LINGO2: variants seen among roughly 807,000 people sequenced by gnomAD.
LINGO2 encodes leucine-rich repeat and immunoglobulin-like domain-containing nogo receptor-interacting protein 2.
Under a neutral mutation model 30.6 loss-of-function variants are expected in LINGO2, and 14 were observed. The observed-to-expected ratio is 0.46, with a 90% CI of 0.30 to 0.72. The LOEUF is 0.72. LINGO2 is among the 30% of genes least tolerant of loss of function. The probability of loss-of-function intolerance (pLI) is 0.07; values close to 1 mark genes in which losing one functional copy is unlikely to be tolerated. For synonymous variants in LINGO2, 317 were observed against 288.5 expected (o/e 1.10, Z -1.00); for missense variants, 729 against 751.7 (o/e 0.97, Z 0.35).
At chr9:27,973,879 A>C (rs1337917113) in intron 5 of LINGO2, among the ~76,000 whole-genome samples, 1 of 152,198 alleles carries the variant, frequency 6.6e-6, no homozygotes, top group Non-Finnish European at 1.5e-5. Context: ...TCTGTGTGTG[A>C]CCAATGACAT....
intron 4 of LINGO2, among the ~76,000 whole-genome samples, chr9:28,123,407 C>A (rs1827153206): frequency 6.6e-6 from 1 of 152,156 alleles, no homozygotes; most frequent in Non-Finnish European, 1.5e-5. Context: ...TCAGCAGTGT[C>A]TTCCTGTTTC....
the LINGO2 span, among the ~76,000 whole-genome samples, chr9:28,710,441 T>TA: frequency 6.6e-6 from 1 of 152,218 alleles, no homozygotes; most frequent in African/African-American, 2.4e-5. Context: ...GGACTCTGAA[T>TA]AAAAAATGTC....
intron 5 of LINGO2, among the ~76,000 whole-genome samples, chr9:27,974,502 G>A (rs1255699614): frequency 4.6e-5 from 7 of 152,098 alleles, no homozygotes; most frequent in Non-Finnish European, 1.0e-4. Flanking sequence ...GTACTCCTTG[G>A]ATAATGGGGA....
intron 1 of LINGO2, among the ~76,000 whole-genome samples, chr9:28,651,070 A>G (rs1828080808): frequency 1.3e-5 from 2 of 151,978 alleles, no homozygotes; most frequent in South Asian, 4.2e-4. Flanking sequence ...GGGCACCTGT[A>G]ATCCCAGCTT....
At chr9:28,169,437 CA>C (rs1828520778) in intron 4 of LINGO2, among the ~76,000 whole-genome samples, 1 of 152,118 alleles carries the variant, frequency 6.6e-6, no homozygotes, top group East Asian at 1.9e-4. Context: ...CAATACTTTA[CA>C]AAAGCAAAAC....
intron 3 of LINGO2, among the ~76,000 whole-genome samples, chr9:28,355,579 T>G (rs1820168674): frequency 6.6e-6 from 1 of 151,954 alleles, no homozygotes; most frequent in South Asian, 2.1e-4. Flanking sequence ...TGAAGGTGGG[T>G]CTGCAAATAA....
chr9:28,317,149 C>A (rs543317526), intron 3 of LINGO2, among the ~76,000 whole-genome samples: 1 of 152,232 alleles, frequency 6.6e-6, no homozygotes, highest in South Asian at 2.1e-4. Flanking sequence ...ACTTTGAGGT[C>A]TGAAGATTCG....
chr9:28,031,782 A>T (rs1823686856), intron 4 of LINGO2, among the ~76,000 whole-genome samples: 1 of 152,236 alleles, frequency 6.6e-6, no homozygotes, highest in Non-Finnish European at 1.5e-5. Context: ...CAAGCTGTCC[A>T]GAACACACAC....
At chr9:28,744,741 A>T in the LINGO2 span, among the ~76,000 whole-genome samples, 3 of 150,450 alleles carry the variant, frequency 2.0e-5, no homozygotes, top group Non-Finnish European at 3.0e-5. Context: ...GATTCAAGAG[A>T]TTCTCCTGCC....
intron 2 of LINGO2, among the ~76,000 whole-genome samples, chr9:28,416,776 G>A (rs112446381): frequency 3.0e-4 from 45 of 152,196 alleles, no homozygotes; most frequent in African/African-American, 9.4e-4. Context: ...ATAAGAAGAC[G>A]CTTTTATTAG....
chr9:28,106,155 C>G (rs987711361), intron 4 of LINGO2, among the ~76,000 whole-genome samples: 46 of 152,040 alleles, frequency 3.0e-4, no homozygotes, highest in African/African-American at 1.1e-3. Flanking sequence ...TCTGAAAACA[C>G]CCCCTTACCC....
chr9:29,098,720 T>C, the LINGO2 span, among the ~76,000 whole-genome samples: 7,156 of 152,242 alleles, frequency 0.047, 216 homozygotes, highest in Admixed American at 0.081. Context: ...TTGTACTTTA[T>C]ATTTGGGGAA....
intron 1 of LINGO2, among the ~76,000 whole-genome samples, chr9:28,576,696 C>T (rs545342986): frequency 8.7e-4 from 132 of 152,174 alleles, no homozygotes; most frequent in African/African-American, 3.0e-3. Flanking sequence ...AAGAATACTT[C>T]ATAGTAGATA....
chr9:28,700,839 C>G, the LINGO2 span, among the ~76,000 whole-genome samples: 1 of 152,034 alleles, frequency 6.6e-6, no homozygotes, highest in South Asian at 2.1e-4. Flanking sequence ...TGGATTTTGG[C>G]CATTCTAATA....
At chr9:28,065,654 C>T (rs1299711338) in intron 4 of LINGO2, among the ~76,000 whole-genome samples, 6 of 152,108 alleles carry the variant, frequency 3.9e-5, no homozygotes, top group Admixed American at 3.9e-4. Context: ...CATGAAGCCT[C>T]AGATTTTGAG....
chr9:28,860,446 G>A, the LINGO2 span, among the ~76,000 whole-genome samples: 1 of 151,960 alleles, frequency 6.6e-6, no homozygotes, highest in Non-Finnish European at 1.5e-5. Context: ...GATTGCACTT[G>A]GACTTGAACT....
At chr9:28,654,342 A>C (rs928689068) in intron 1 of LINGO2, among the ~76,000 whole-genome samples, 8 of 152,142 alleles carry the variant, frequency 5.3e-5, no homozygotes, top group Non-Finnish European at 1.2e-4. Context: ...TAGCATATCT[A>C]GCATATTCAT....
At chr9:28,725,042 A>T in the LINGO2 span, among the ~76,000 whole-genome samples, 1 of 152,032 alleles carries the variant, frequency 6.6e-6, no homozygotes, top group Non-Finnish European at 1.5e-5. Flanking sequence ...TAAAAATACA[A>T]GAAGAAAATA....
Position 28,430,109 on chromosome 9 carries a change from C to CGCGTGTGTGT in LINGO2, c.-279+45830_-279+45831insACACACACGC, listed in dbSNP as rs569701444. Among the ~76,000 whole-genome samples, 302 of 136,200 alleles carry CGCGTGTGTGT rather than the reference C, an allele frequency of 2.2e-3. 1 individual carries two copies. The highest frequency in any genetic ancestry group is 0.015 in the Middle Eastern group (4 of 266). 89.4% of individuals were successfully genotyped at this position (136,200 alleles called of 152,430 possible). ...AGGCTGATTTCCACGCGCGCGCGCG[C>CGCGTGTGTGT]GTGTGTGTGTGTGTGTGTGTGATTC... On this transcript the variant is annotated intron_variant, in intron 2 of 5. Transcript: ENST00000379992.
Sources: allele counts gnomAD v4.1 joint callset (sites outside exome capture counted in the v4.1 genomes callset), GRCh38; gene constraint gnomAD v4.1.1; transcripts MANE v1.5; gene names NCBI Gene and HGNC (gene_info 2026-07-23, HGNC 2026-07-21).